The following DDAH1 variants were observed in gnomAD, a reference collection of about 807,000 sequenced individuals.
DDAH1 encodes dimethylarginine dimethylaminohydrolase 1.
A neutral mutation model predicts 28.8 loss-of-function variants in DDAH1; 19 were observed. The observed-to-expected ratio is 0.66, with a 90% CI of 0.46 to 0.97. The LOEUF is 0.97. Among genes scored for constraint, DDAH1 ranks in the 50% least tolerant of loss-of-function variants. DDAH1 has a pLI of 0.00. For synonymous variants in DDAH1, 153 were observed against 154.4 expected, an observed-to-expected ratio of 0.99 and a Z score of 0.07; for missense variants, 326 against 375.9, an observed-to-expected ratio of 0.87 and a Z score of 1.10.
chr1:85,409,467 C>T (rs1462024388), intron 1 of DDAH1, among the ~76,000 whole-genome samples: 1 of 152,206 alleles, frequency 6.6e-6, no homozygotes, highest in Non-Finnish European at 1.5e-5. Context: ...AGTCTAACTT[C>T]CCAATTTTTC....
intron 1 of DDAH1, among the ~76,000 whole-genome samples, chr1:85,431,056 G>C (rs1653663986): frequency 6.6e-6 from 1 of 152,076 alleles, no homozygotes; most frequent in South Asian, 2.1e-4. Context: ...ATTATTTTGA[G>C]GTATGTTCCA....
intron 1 of DDAH1, among the ~76,000 whole-genome samples, chr1:85,531,069 T>C (rs1467327046): frequency 1.4e-5 from 2 of 145,620 alleles, no homozygotes; most frequent in Non-Finnish European, 3.0e-5. Flanking sequence ...TGAGTGTATA[T>C]ACAATAAAGA....
intron 1 of DDAH1, among the ~76,000 whole-genome samples, chr1:85,500,735 A>G (rs1032239885): frequency 7.9e-5 from 12 of 152,242 alleles, no homozygotes; most frequent in Non-Finnish European, 1.8e-4. Flanking sequence ...CACAAGTCAG[A>G]GAGGCTCTGT....
In DDAH1 at chr1:85,525,567, T is replaced by TCACA. The variant is rs3058870; in HGVS notation, c.-122-29290_-122-29287dup. On this transcript the variant is annotated intron_variant, in intron 1 of 6. Transcript: ENST00000426972. ...TATTGTACAACTGAAAGAATGATAT[T>TCACA]CACACACACACACACACACACTCCA... Among the ~76,000 whole-genome samples the TCACA allele has an allele frequency of 5.8e-4, 87 of 149,088 alleles. 1 individual carries two copies. Among genetic ancestry groups the TCACA allele is most frequent in the South Asian group, 3.4e-3 (16 of 4,666 alleles).
chr1:85,369,285 A>G (rs958038729), intron 1 of DDAH1, among the ~76,000 whole-genome samples: 1 of 139,956 alleles, frequency 7.1e-6, no homozygotes, highest in South Asian at 2.2e-4. Flanking sequence ...GGGGCATTCT[A>G]TTAACAAGTT....
At chr1:85,350,633 C>A in intron 3 of DDAH1, 99 bp from the exon 4 acceptor site, 1 of 1,371,630 alleles carries the variant, frequency 7.3e-7, no homozygotes, top group Non-Finnish European at 9.8e-7. Context: ...TGAAGGCTGA[C>A]AGGGACCTTG....
At chr1:85,329,770 G>A (rs1332572764) in intron 4 of DDAH1, among the ~76,000 whole-genome samples, 1 of 152,164 alleles carries the variant, frequency 6.6e-6, no homozygotes, top group Non-Finnish European at 1.5e-5. Context: ...TTAAGAATAT[G>A]CCCAAAGAAA....
intron 1 of DDAH1, among the ~76,000 whole-genome samples, chr1:85,430,164 C>G (rs531649792): frequency 6.6e-6 from 1 of 152,290 alleles, no homozygotes; most frequent in African/African-American, 2.4e-5. Flanking sequence ...GAATCCTTTC[C>G]TCATTGCTTG....
chr1:85,545,794 A>AG (rs546062402), intron 1 of DDAH1, among the ~76,000 whole-genome samples: 24 of 151,982 alleles, frequency 1.6e-4, no homozygotes, highest in South Asian at 6.2e-4. Flanking sequence ...CAGAGGGAGG[A>AG]GGGGGGAGAA....
intron 1 of DDAH1, among the ~76,000 whole-genome samples, chr1:85,452,741 TA>T (rs1471551260): frequency 2.0e-5 from 3 of 151,962 alleles, no homozygotes; most frequent in African/African-American, 7.3e-5. Context: ...GATAGCACCA[TA>T]AAAGCCCATC....
chr1:85,456,014 A>C (rs1199795778), intron 1 of DDAH1, among the ~76,000 whole-genome samples: 1 of 151,964 alleles, frequency 6.6e-6, no homozygotes, highest in African/African-American at 2.4e-5. Context: ...AGTTATCATC[A>C]GCTCCCCATC....
chr1:85,535,871 A>T (rs1204958870), intron 1 of DDAH1, among the ~76,000 whole-genome samples: 2 of 152,064 alleles, frequency 1.3e-5, no homozygotes, highest in African/African-American at 2.4e-5. Flanking sequence ...AGATGGGCAA[A>T]AGGCATTAAT....
At chr1:85,381,104 G>A (rs913228307) in intron 1 of DDAH1, among the ~76,000 whole-genome samples, 2 of 151,826 alleles carry the variant, frequency 1.3e-5, no homozygotes, top group African/African-American at 2.4e-5. Context: ...CGGGCGTGGT[G>A]GTGGGCGCCT....
exon 2 of DDAH1, chr1:85,496,274 A>G (rs749559737): frequency 3.3e-5 from 32 of 963,672 alleles, no homozygotes; most frequent in Non-Finnish European, 4.0e-5. Flanking sequence ...TTTTCCATAC[A>G]GATGAAACTG....
chr1:85,337,024 G>A lies in DDAH1; in HGVS notation c.598-12141C>T, dbSNP rs761563853. Among the ~76,000 whole-genome samples, 75 of 152,204 alleles carry A rather than the reference G, an allele frequency of 4.9e-4. 1 individual carries two copies. The highest frequency in any genetic ancestry group is 1.4e-3 in the Admixed American group (22 of 15,286). On this transcript the variant is annotated intron_variant, in intron 4 of 5. Coordinates refer to ENST00000284031, the MANE Select transcript of DDAH1 (RefSeq NM_012137.4). ...ATCAAGTGGGATTTATCCCAAAGGT[G>A]CAAGGATGCAAGGGATGGTTCAACA...
chr1:85,525,475 T>G (rs1657832578), intron 1 of DDAH1, among the ~76,000 whole-genome samples: 1 of 152,142 alleles, frequency 6.6e-6, no homozygotes, highest in Non-Finnish European at 1.5e-5. Context: ...AAACTCAGTT[T>G]TAAGTGTCAG....
chr1:85,497,110 C>T (rs77078409), intron 1 of DDAH1, among the ~76,000 whole-genome samples: 2,937 of 152,260 alleles, frequency 0.019, 118 homozygotes, highest in East Asian at 0.13. Context: ...CAATGACTGA[C>T]AATTGTGTCT....
At chr1:85,443,940 T>C (rs550234605) in intron 1 of DDAH1, among the ~76,000 whole-genome samples, 87 of 152,344 alleles carry the variant, frequency 5.7e-4, no homozygotes, top group African/African-American at 1.6e-3. Flanking sequence ...TTTCTAAATA[T>C]AGAATCATGT....
rs542794919 is a variant in DDAH1, at chr1:85,405,583, C to T, written c.304-46736G>A. Among the ~76,000 whole-genome samples the T allele has an allele frequency of 9.9e-5, 15 of 151,942 alleles. No individual in the cohort carries two copies. In the South Asian group the frequency reaches 2.1e-3, roughly 21 times the overall value. The stretch of plus-strand genomic sequence containing the variant: ...TCAAGGCATGGTCCATTCCCTGCTC[C>T]GCATTTGGCTGGGAAAGACTTGGTC... On this transcript the variant is annotated intron_variant, in intron 1 of 5. Coordinates refer to ENST00000284031, the MANE Select transcript of DDAH1 (RefSeq NM_012137.4).
Sources: gnomAD v4.1 joint callset for allele counts (sites outside exome capture counted in the v4.1 genomes callset) on GRCh38, gnomAD v4.1.1 for gene constraint, MANE v1.5 for transcripts, NCBI Gene and HGNC (gene_info 2026-07-23, HGNC 2026-07-21) for gene names.